The following PLCZ1 variants were observed in gnomAD, a reference collection of about 807,000 sequenced individuals.
The protein encoded by PLCZ1 is 1-phosphatidylinositol 4,5-bisphosphate phosphodiesterase zeta-1.
A neutral mutation model predicts 76.8 loss-of-function variants in PLCZ1; 64 were observed. The observed-to-expected ratio is 0.83, with a 90% CI of 0.68 to 1.03. PLCZ1 has a LOEUF of 1.03. Ranked by LOEUF, PLCZ1 falls within the 50% of genes least tolerant of loss-of-function variation. The pLI is 0.00. For synonymous variants in PLCZ1, 248 were observed against 230.8 expected (o/e 1.07, Z -0.68); for missense variants, 751 against 713.7 (o/e 1.05, Z -0.60).
chr12:18,647,913 T>C, the PLCZ1 span: 2 of 1,596,396 alleles, frequency 1.3e-6, no homozygotes, highest in Non-Finnish European at 1.7e-6. Context: ...CAAGGACATG[T>C]CTTAATGCTT....
intron 12 of PLCZ1, among the ~76,000 whole-genome samples, chr12:18,691,895 A>G (rs1318267582): frequency 1.3e-5 from 2 of 152,184 alleles, no homozygotes; most frequent in African/African-American, 4.8e-5. Context: ...GGATCATTCT[A>G]GTCCTGGTCA....
At chr12:18,647,413 T>C in the PLCZ1 span, among the ~76,000 whole-genome samples, 1 of 151,148 alleles carries the variant, frequency 6.6e-6, no homozygotes, top group African/African-American at 2.4e-5. Flanking sequence ...AATATACCTC[T>C]GGTACAAACC....
At chr12:18,690,078 C>T (rs1395832452) in intron 12 of PLCZ1, among the ~76,000 whole-genome samples, 1 of 151,998 alleles carries the variant, frequency 6.6e-6, no homozygotes, top group Non-Finnish European at 1.5e-5. Context: ...TTCACTTTCT[C>T]AATAAAAGAG....
In PLCZ1 at chr12:18,695,029, T is replaced by C; in HGVS notation, c.1342A>G (p.Lys448Glu). Reference protein sequence around the residue: ...PGLPMDLQNGKFLDNGGSGYI... With the variant: ...PGLPMDLQNGEFLDNGGSGYI... ...CCAGAACCACCATTATCCAAAAATT[T>C]CCCATTTTGCAGATCCATGGGCAGA... The change falls in exon 12 of 15, where the codon AAA (lysine) becomes GAA (glutamate). Residue 448 changes from lysine (K) to glutamate (E), a missense_variant. Transcript: ENST00000266505. 6.2e-7 allele frequency: 1 copy of C among 1,613,014 alleles called. No homozygotes were observed. The highest frequency in any genetic ancestry group is 8.5e-7 in the Non-Finnish European group (1 of 1,179,220).
At chr12:18,659,188 G>A in the PLCZ1 span, among the ~76,000 whole-genome samples, 2 of 152,116 alleles carry the variant, frequency 1.3e-5, no homozygotes, top group Non-Finnish European at 2.9e-5. Flanking sequence ...AATATATAAA[G>A]GTACTCAAAA....
At chr12:18,696,613 T>C (rs1955082874) in intron 10 of PLCZ1, among the ~76,000 whole-genome samples, 1 of 152,010 alleles carries the variant, frequency 6.6e-6, no homozygotes, top group African/African-American at 2.4e-5. Context: ...ATATAATCCA[T>C]TCATTTTTCA....
At position 18,701,554 on chromosome 12, in the gene PLCZ1, T is replaced by C; in HGVS notation, c.964A>G (p.Lys322Glu). The change falls in exon 9 of 15, where the codon AAG (lysine) becomes GAG (glutamate). Residue 322 changes from lysine to glutamate, a missense_variant. Lys to Glu is a moderately conservative substitution (Grantham distance 56, BLOSUM62 1). Coordinates refer to ENST00000266505, the MANE Select transcript of PLCZ1 (RefSeq NM_033123.4). ...GSDKRGDNQD[K>E]ETGVKKLPGV... ...GGTAACTTTTTTACCCCTGTTTCCT[T>C]GTCTTGATTGTCTCCTAAAACAGAT... 1 of 1,613,852 alleles carries C rather than the reference T, an allele frequency of 6.2e-7. No individual in the cohort carries two copies. The highest frequency in any genetic ancestry group is 1.1e-5 in the South Asian group (1 of 91,080).
intron 13 of PLCZ1, among the ~76,000 whole-genome samples, chr12:18,685,839 C>A (rs1197295224): frequency 1.1e-5 from 1 of 91,804 alleles, no homozygotes; most frequent in Non-Finnish European, 2.2e-5. Context: ...GTCACACACA[C>A]ACACGCGCAC....
chr12:18,727,031 G>A lies in PLCZ1; in HGVS notation c.136-3489C>T, dbSNP rs1958791257. ...TAGTCTAGAAAAAGAAAGTAGGCAT[G>A]GAAGTATACAGGTGCCGAAATATAA... On this transcript the variant is annotated intron_variant, in intron 3 of 14. Transcript: ENST00000266505. Among the ~76,000 whole-genome samples, 4 of 152,076 alleles carry A rather than the reference G, an allele frequency of 2.6e-5. No individual in the cohort carries two copies. In the South Asian group the frequency reaches 8.3e-4, roughly 32 times the overall value.
rs115252354 is a variant in PLCZ1 at position 18,723,563 on chromosome 12, G to A, written c.136-21C>T. ...TTGTCCTACTAAAAAAATGACTGGT[G>A]GGCTCACATTGTGAGTATAAAAAAT... On this transcript the variant is annotated intron_variant, in intron 3 of 14. Transcript: ENST00000266505. The A allele has an allele frequency of 1.6e-3, 2,525 of 1,566,354 alleles. 31 individuals carry two copies. In the African/African-American group the frequency reaches 0.023, roughly 14 times the overall value.
At chr12:18,676,753 A>G in the PLCZ1 span, among the ~76,000 whole-genome samples, 1 of 152,138 alleles carries the variant, frequency 6.6e-6, no homozygotes, top group Admixed American at 6.6e-5. Context: ...TTTCTTCAGC[A>G]AAGTCCTAAA....
At chr12:18,670,697 CATG>C in the PLCZ1 span, among the ~76,000 whole-genome samples, 1 of 152,126 alleles carries the variant, frequency 6.6e-6, no homozygotes, top group Admixed American at 6.5e-5. Flanking sequence ...TTATCAATCT[CATG>C]ATAAGTGGCA....
At chr12:18,700,538 A>G (rs7302811) in intron 9 of PLCZ1, among the ~76,000 whole-genome samples, 108,051 of 135,152 alleles carry the variant, frequency 0.8, 44,117 homozygotes, top group East Asian at 0.98. Flanking sequence ...AAAAAAAAAT[A>G]GTTGCTCTGC....
intron 7 of PLCZ1, among the ~76,000 whole-genome samples, chr12:18,703,235 A>G (rs1248785968): frequency 6.6e-6 from 1 of 152,204 alleles, no homozygotes; most frequent in Non-Finnish European, 1.5e-5. Flanking sequence ...TTATGCCACA[A>G]AAGAACCGTG....
intron 12 of PLCZ1, chr12:18,694,143 G>T: frequency 1.2e-6 from 1 of 805,552 alleles, no homozygotes; most frequent in Non-Finnish European, 2.0e-6. Flanking sequence ...TGATTTCTCA[G>T]TCCCTGAAAG....
At chr12:18,684,408 G>A (rs1952786320) in intron 13 of PLCZ1, 129 bp from the exon 14 acceptor site, 4 of 805,414 alleles carry the variant, frequency 5.0e-6, no homozygotes, top group Non-Finnish European at 7.7e-6. Flanking sequence ...AGAGCACATA[G>A]GTTTTTAATA....
chr12:18,650,664 ATGTGTGTGTG>A, the PLCZ1 span, among the ~76,000 whole-genome samples: 176 of 35,538 alleles, frequency 5.0e-3, 7 homozygotes, highest in South Asian at 8.7e-3. Flanking sequence ...TGGAATATAA[ATGTGTGTGTG>A]TGTGTGTGTG....
intron 10 of PLCZ1, among the ~76,000 whole-genome samples, chr12:18,699,067 T>C (rs909101652): frequency 6.6e-6 from 1 of 152,132 alleles, no homozygotes; most frequent in Non-Finnish European, 1.5e-5. Flanking sequence ...CCGTTTTACC[T>C]TGGGCACTGC....
the PLCZ1 span, among the ~76,000 whole-genome samples, chr12:18,674,763 T>C: frequency 6.6e-6 from 1 of 152,188 alleles, no homozygotes; most frequent in Non-Finnish European, 1.5e-5. Flanking sequence ...TGATGTTGTA[T>C]GACTTCTGTA....
Sources: gnomAD v4.1 joint callset for allele counts (sites outside exome capture counted in the v4.1 genomes callset) on GRCh38, gnomAD v4.1.1 for gene constraint, MANE v1.5 for transcripts, NCBI Gene and HGNC (gene_info 2026-07-23, HGNC 2026-07-21) for gene names.